MYO16: variants seen among roughly 807,000 people sequenced by gnomAD.
MYO16 encodes the protein myosin XVI.
MYO16 carries 94 observed loss-of-function variants against 205.3 expected under a neutral mutation model. The observed-to-expected ratio is 0.46, with a 90% CI of 0.39 to 0.54. The LOEUF is 0.54. MYO16 is among the 20% of genes least tolerant of loss of function. MYO16 has a pLI of 0.00. For missense variants in MYO16, 2,315 were observed against 2,387.5 expected, an observed-to-expected ratio of 0.97 and a Z score of 0.63; for synonymous variants, 988 against 954.0, an observed-to-expected ratio of 1.04 and a Z score of -0.66.
At chr13:108,913,871 T>G (rs1423883820) in intron 16 of MYO16, among the ~76,000 whole-genome samples, 1 of 152,096 alleles carries the variant, frequency 6.6e-6, no homozygotes, top group African/African-American at 2.4e-5. Flanking sequence ...GACTGCTGAG[T>G]GTTCAGTTGT....
intron 11 of MYO16, among the ~76,000 whole-genome samples, chr13:108,865,674 A>G (rs1878678416): frequency 6.6e-6 from 1 of 151,932 alleles, no homozygotes; most frequent in South Asian, 2.1e-4. Flanking sequence ...CTATCATTTT[A>G]TTATTTTTAT....
chr13:108,858,454 C>A (rs1878301756), intron 11 of MYO16, among the ~76,000 whole-genome samples: 2 of 152,120 alleles, frequency 1.3e-5, no homozygotes, highest in Admixed American at 6.5e-5. Context: ...TGGCTCATGG[C>A]AGCCCCACTC....
At chr13:109,001,312 C>T (rs1885205430) in intron 21 of MYO16, among the ~76,000 whole-genome samples, 1 of 152,082 alleles carries the variant, frequency 6.6e-6, no homozygotes, top group South Asian at 2.1e-4. Context: ...TGTGCCCAGT[C>T]CACTTCCTGG....
rs7986794 is a variant in MYO16, at chr13:108,822,904, T to A, written c.944-221T>A. ...CATCCAGTCTATACTATTTTCTATT[T>A]CATTTATAATTAAATGTGTCACTGA... On this transcript the variant is annotated intron_variant, in intron 8 of 34. Transcript: ENST00000457511. 2.8e-3 allele frequency among the ~76,000 whole-genome samples: 419 copies of A among 152,306 alleles called. 6 individuals are homozygous for A. Among genetic ancestry groups the A allele is most frequent in the Non-Finnish European group, 2.8e-3 (189 of 68,018 alleles).
intron 32 of MYO16, among the ~76,000 whole-genome samples, chr13:109,151,143 A>G (rs553888564): frequency 6.6e-5 from 10 of 152,264 alleles, no homozygotes; most frequent in Admixed American, 4.6e-4. Context: ...CATTTTTATG[A>G]TTAATCCCCA....
rs372366284 is a variant in MYO16, at chr13:108,658,136, G to T, written c.29-7750G>T. 3.3e-5 allele frequency among the ~76,000 whole-genome samples: 5 copies of T among 152,078 alleles called. No individual in the cohort carries two copies. The East Asian group carries it at 9.6e-4, about 29-fold the overall frequency. Reference sequence around the variant, plus strand: ...TCTTTTTCTATTGTACGAAAGAACTGGATGAAAATGCAGGTTATCTCTGCC... The same window carrying T: ...TCTTTTTCTATTGTACGAAAGAACTTGATGAAAATGCAGGTTATCTCTGCC... On this transcript the variant is annotated intron_variant, in intron 1 of 34. Transcript: ENST00000457511.
chr13:109,184,335 A>G (rs1012977436), intron 34 of MYO16, among the ~76,000 whole-genome samples: 14 of 152,210 alleles, frequency 9.2e-5, no homozygotes, highest in Non-Finnish European at 1.8e-4. Flanking sequence ...TAGTAAATTA[A>G]GTTGATGTGT....
chr13:108,720,481 T>G (rs550187782), intron 3 of MYO16, among the ~76,000 whole-genome samples: 131 of 152,344 alleles, frequency 8.6e-4, no homozygotes, highest in Admixed American at 2.2e-3. Flanking sequence ...TGAGAACTCA[T>G]AAACATAGGA....
rs538571864 is a variant in MYO16, at chr13:108,729,935, C to T, written c.507+2352C>T. On this transcript the variant is annotated intron_variant, in intron 4 of 34. Coordinates refer to ENST00000457511, the MANE Select transcript of MYO16 (RefSeq NM_001198950.3). ...GCAGGAACAGCCCTGAATTGATGAA[C>T]CAAATTATGACAAAGAAAAGAAGAG... Among the ~76,000 whole-genome samples the T allele has an allele frequency of 6.6e-5, 10 of 152,238 alleles. No individual in the cohort carries two copies. In the South Asian group the frequency reaches 8.3e-4, roughly 13 times the overall value.
At chr13:109,153,914 C>G (rs118024486) in intron 32 of MYO16, among the ~76,000 whole-genome samples, 3,725 of 152,284 alleles carry the variant, frequency 0.024, 70 homozygotes, top group Non-Finnish European at 0.038. Flanking sequence ...TTAGGCTCAG[C>G]CTTTCTCTAC....
rs1566537746 is a variant in MYO16, at chr13:108,665,879, CT to C, written c.29-5del. The C allele has an allele frequency of 6.2e-7, 1 of 1,611,814 alleles. No homozygotes were observed. The highest frequency in any genetic ancestry group is 1.7e-5 in the Admixed American group (1 of 59,820). ...GTCTGGTGACGCTCCCCTTGCATTT[CT>C]TCCAGGTTGCTTTCAGCTATGTAAC... is the stretch of plus-strand genomic sequence containing the variant. On this transcript the variant is annotated splice_polypyrimidine_tract_variant and splice_region_variant and intron_variant, in intron 1 of 34. Transcript: ENST00000457511.
intron 27 of MYO16, among the ~76,000 whole-genome samples, chr13:109,085,353 A>G (rs1218518283): frequency 6.6e-6 from 1 of 152,204 alleles, no homozygotes; most frequent in African/African-American, 2.4e-5. Flanking sequence ...GCTGAAGAAA[A>G]CGACATAAAC....
intron 27 of MYO16, among the ~76,000 whole-genome samples, chr13:109,078,272 CAAAA>C (rs3042877): frequency 0.18 from 24,965 of 136,484 alleles, 2,128 homozygotes; most frequent in Middle Eastern, 0.22. Context: ...ACTAAAAATA[CAAAA>C]AAAAAAAAAA....
chr13:108,544,308 A>G, the MYO16 span, among the ~76,000 whole-genome samples: 2 of 152,154 alleles, frequency 1.3e-5, no homozygotes, highest in African/African-American at 4.8e-5. Flanking sequence ...GTAAAACCTT[A>G]GATATGAGAT....
upstream of MYO16, among the ~76,000 whole-genome samples, chr13:108,628,448 T>C: frequency 6.6e-6 from 1 of 152,154 alleles, no homozygotes; most frequent in East Asian, 1.9e-4. Context: ...ATTTCTAACC[T>C]TCAGAATAAA....
intron 9 of MYO16, among the ~76,000 whole-genome samples, chr13:108,826,980 C>T (rs757712866): frequency 1.3e-4 from 20 of 152,148 alleles, no homozygotes; most frequent in Non-Finnish European, 2.8e-4. Context: ...TCTGGCAGTT[C>T]TCAAACAGTT....
intron 11 of MYO16, among the ~76,000 whole-genome samples, chr13:108,864,077 T>C (rs1324565121): frequency 6.6e-6 from 1 of 152,164 alleles, no homozygotes; most frequent in Non-Finnish European, 1.5e-5. Flanking sequence ...TCTGAATGAG[T>C]TTTGCTGGGG....
At chr13:109,034,104 G>A (rs985317205) in intron 23 of MYO16, among the ~76,000 whole-genome samples, 1 of 151,908 alleles carries the variant, frequency 6.6e-6, no homozygotes, top group Non-Finnish European at 1.5e-5. Context: ...TTGTGGCAGA[G>A]TCCAGGTCTC....
intron 21 of MYO16, among the ~76,000 whole-genome samples, chr13:109,003,126 A>T (rs1419739514): frequency 6.6e-6 from 1 of 152,196 alleles, no homozygotes; most frequent in Non-Finnish European, 1.5e-5. Flanking sequence ...ATTCTACTTT[A>T]AACTACATAT....
Sources: allele counts gnomAD v4.1 joint callset (sites outside exome capture counted in the v4.1 genomes callset), GRCh38; gene constraint gnomAD v4.1.1; transcripts MANE v1.5; gene names NCBI Gene and HGNC (gene_info 2026-07-23, HGNC 2026-07-21).